Variants in MYH14 observed in about 807,000 individuals in gnomAD.
MYH14 encodes myosin heavy chain 14.
A neutral mutation model predicts 255.5 loss-of-function variants in MYH14; 123 were observed. That is an observed-to-expected ratio of 0.48 (90% confidence interval 0.42 to 0.56). The LOEUF (loss-of-function observed/expected upper bound fraction) is 0.56, where lower values mean the gene tolerates loss of function less well. MYH14 is among the 20% of genes least tolerant of loss of function. The probability of loss-of-function intolerance (pLI) is 0.00; values close to 1 mark genes in which losing one functional copy is unlikely to be tolerated. For missense variants in MYH14, 2,423 were observed against 2,802.3 expected (o/e 0.86, Z 3.06); for synonymous variants, 1,095 against 1,161.2 (o/e 0.94, Z 1.16).
At chr19:50,306,839 G>A (rs1164317344) in intron 40 of MYH14, among the ~76,000 whole-genome samples, 2 of 152,214 alleles carry the variant, frequency 1.3e-5, no homozygotes, top group African/African-American at 4.8e-5. Flanking sequence ...TATGTGAGGT[G>A]TCCTAGTAGA....
At chr19:50,224,927 A>G in intron 6 of MYH14, 3 of 439,296 alleles carry the variant, frequency 6.8e-6, no homozygotes, top group South Asian at 4.7e-5. Flanking sequence ...CAAAAGAGTG[A>G]GACCCCATCT....
At chr19:50,219,116 ATATG>A (rs2032667741) in intron 3 of MYH14, among the ~76,000 whole-genome samples, 2 of 141,830 alleles carry the variant, frequency 1.4e-5, no homozygotes, top group African/African-American at 2.5e-5. Context: ...CATGGGATAT[ATATG>A]TGTGTGTGTG....
intron 10 of MYH14, among the ~76,000 whole-genome samples, chr19:50,243,296 T>G (rs6509457): frequency 0.55 from 83,941 of 151,810 alleles, 24,053 homozygotes; most frequent in Middle Eastern, 0.65. Flanking sequence ...ATTAGCCGGG[T>G]GTGGTGGTGT....
Position 50,247,059 on chromosome 19 carries a change from C to T in MYH14, c.1266C>T (p.Ala422=). ...TGGGGGTGACGGATTTCTCCCGAGCCTTGCTCACCCCTCGCATCAAAGTTG... is the reference window on the plus strand; with the variant it reads ...TGGGGGTGACGGATTTCTCCCGAGCTTTGCTCACCCCTCGCATCAAAGTTG... The part of the protein sequence containing the change: ...LGLGVTDFSR[A]LLTPRIKVGR... The change falls in exon 12 of 43, where the codon GCC becomes GCT. Residue 422 remains alanine (A), a synonymous_variant. Transcript: ENST00000642316. 6.2e-7 allele frequency: 1 copy of T among 1,613,560 alleles called. No individual in the cohort carries two copies. The highest frequency in any genetic ancestry group is 1.1e-5 in the South Asian group (1 of 90,934).
intron 26 of MYH14, among the ~76,000 whole-genome samples, chr19:50,272,352 G>A (rs937432164): frequency 2.0e-5 from 3 of 152,108 alleles, no homozygotes; most frequent in African/African-American, 2.4e-5. Context: ...ATGGGCTGTT[G>A]GTGGGGATGA....
chr19:50,233,570 C>T (rs1489308153), intron 10 of MYH14, among the ~76,000 whole-genome samples: 1 of 152,134 alleles, frequency 6.6e-6, no homozygotes, highest in Non-Finnish European at 1.5e-5. Context: ...AAACCTAGTG[C>T]CTAAAACAAC....
In MYH14 at chr19:50,250,693, G is replaced by A; in HGVS notation, c.1830+5G>A. The A allele has an allele frequency of 6.2e-7, 1 of 1,608,166 alleles. No individual in the cohort carries two copies. Among genetic ancestry groups the A allele is most frequent in the South Asian group, 1.1e-5 (1 of 90,894 alleles). ...GTTCTCCACTACGCGGGCAAGGTAGGGGCTGGGGCCGGCCTTGGGGCATGT... is the reference window on the plus strand; with the variant it reads ...GTTCTCCACTACGCGGGCAAGGTAGAGGCTGGGGCCGGCCTTGGGGCATGT... On this transcript the variant is annotated splice_donor_5th_base_variant and intron_variant, in intron 15 of 42. Coordinates refer to ENST00000642316, the MANE Select transcript of MYH14 (RefSeq NM_001145809.2). The surrounding 1 kb of genome is among the most constrained non-coding windows in gnomAD (Gnocchi z 5.4).
At chr19:50,304,517 G>C (rs2036593152) in intron 40 of MYH14, among the ~76,000 whole-genome samples, 2 of 151,308 alleles carry the variant, frequency 1.3e-5, no homozygotes, top group Non-Finnish European at 1.5e-5. Context: ...TTGAACCTGG[G>C]AAGTGGAGGT....
chr19:50,271,706 G>A (rs1394574452), intron 25 of MYH14, 143 bp from the exon 26 acceptor site: 2 of 1,449,048 alleles, frequency 1.4e-6, no homozygotes, highest in African/African-American at 2.8e-5. Flanking sequence ...GGAAGGAGAG[G>A]GAGGTGTAGG....
At chr19:50,269,500 C>T (rs965753743) in intron 24 of MYH14, among the ~76,000 whole-genome samples, 2 of 152,148 alleles carry the variant, frequency 1.3e-5, no homozygotes, top group Non-Finnish European at 2.9e-5. Flanking sequence ...TTTTAATCAA[C>T]TTCTCTTGAT....
At position 50,276,316 on chromosome 19, in the gene MYH14, A is replaced by C; in HGVS notation, c.3680+113A>C. 1.1e-6 allele frequency: 1 copy of C among 896,770 alleles called. No homozygotes were observed. The highest frequency in any genetic ancestry group is 1.6e-6 in the Non-Finnish European group (1 of 610,412). The allele number at this position is 896,770 out of a possible 1,614,324, so 55.6% of individuals were successfully genotyped here. A position where few individuals can be genotyped will look rare whatever the true frequency, so the allele number is the denominator to read the frequency against. ...AGGCTTACTTATTGTACAGTTGTTC[A>C]TGAACCACCGGCTCTAGGTCCGGCC... On this transcript the variant is annotated intron_variant, in intron 28 of 42. Coordinates refer to ENST00000642316, the MANE Select transcript of MYH14 (RefSeq NM_001145809.2). This position sits in a 1 kb window ranked among gnomAD's most constrained non-coding sequence, Gnocchi z 4.3.
chr19:50,256,261 A>G (rs1333727525), intron 17 of MYH14, among the ~76,000 whole-genome samples: 1 of 152,158 alleles, frequency 6.6e-6, no homozygotes, highest in Admixed American at 6.5e-5. Flanking sequence ...CCTGGGTGAC[A>G]GTGAGACTGT....
Position 50,249,775 on chromosome 19 carries a change from C to T in MYH14, c.1608C>T (p.Leu536=), listed in dbSNP as rs769161197. 25 of 1,614,122 alleles carry T rather than the reference C, an allele frequency of 1.5e-5. No homozygotes were observed. Among genetic ancestry groups the T allele is most frequent in the South Asian group, 2.2e-5 (2 of 91,086 alleles). ...YQREGIPWTF[L]DFGLDLQPCI... Reference sequence around the variant, plus strand: ...GTGAGGGCATCCCCTGGACCTTCCTCGACTTTGGCCTCGACCTGCAGCCCT... The same window carrying T: ...GTGAGGGCATCCCCTGGACCTTCCTTGACTTTGGCCTCGACCTGCAGCCCT... Residue 536 remains leucine, a synonymous_variant, in exon 14 of 43, where the codon CTC becomes CTT. Transcript: ENST00000642316.
chr19:50,295,586 C>G (rs1349356706), intron 39 of MYH14, among the ~76,000 whole-genome samples: 1 of 152,030 alleles, frequency 6.6e-6, no homozygotes, highest in East Asian at 1.9e-4. Context: ...AGCGTAGGAG[C>G]TCCAGACCAG....
intron 39 of MYH14, among the ~76,000 whole-genome samples, chr19:50,300,520 G>A (rs1391253809): frequency 6.6e-6 from 1 of 152,120 alleles, no homozygotes; most frequent in Non-Finnish European, 1.5e-5. Flanking sequence ...AGGCTGAGGT[G>A]GGTGGATCAC....
intron 26 of MYH14, 49 bp downstream of exon 26, chr19:50,272,021 AC>A: frequency 6.3e-7 from 1 of 1,584,930 alleles, no homozygotes; most frequent in Middle Eastern, 1.8e-4. Flanking sequence ...CTAATGGGGG[AC>A]CTCAGGCAAG....
rs680446 is a variant in MYH14 at position 50,286,683 on chromosome 19, G to A, written c.4741G>A (p.Val1581Ile). Reference sequence around the variant, plus strand: ...GGCACTGCTGAGCAGCAAGGATGACGTCGGCAAGAGCGTGAGCAGGGCCCC... The same window carrying A: ...GGCACTGCTGAGCAGCAAGGATGACATCGGCAAGAGCGTGAGCAGGGCCCC... ...LEALLSSKDDVGKSVHELERA... is the reference protein window; with the variant it reads ...LEALLSSKDDIGKSVHELERA... The change falls in exon 34 of 43, where the codon GTC becomes ATC. Residue 1581 changes from valine to isoleucine, a missense_variant. This residue lies in a region of MYH14 where 1,513 missense variants were observed against 1,674.8 expected (regional missense o/e 0.90). Coordinates refer to ENST00000642316, the MANE Select transcript of MYH14 (RefSeq NM_001145809.2). 2.1e-3 allele frequency: 3,311 copies of A among 1,573,118 alleles called. 54 individuals carry two copies. In the African/African-American group the frequency reaches 0.036, roughly 17 times the overall value.
intron 6 of MYH14, 52 bp downstream of exon 6, chr19:50,224,229 C>T: frequency 1.2e-6 from 2 of 1,612,800 alleles, no homozygotes; most frequent in Non-Finnish European, 1.7e-6. Context: ...GCCTTCCCGG[C>T]CACCCAATGC....
intron 23 of MYH14, among the ~76,000 whole-genome samples, chr19:50,267,273 C>A (rs2035123444): frequency 6.6e-6 from 1 of 151,542 alleles, no homozygotes; most frequent in Non-Finnish European, 1.5e-5. Context: ...GTGGGAGAGT[C>A]CTGCAGAGCC....
Sources: gnomAD v4.1 joint callset for allele counts (sites outside exome capture counted in the v4.1 genomes callset) on GRCh38, gnomAD v4.1.1 for gene constraint, gnomAD v4.1.1 regional missense constraint, Gnocchi (gnomAD v3.1) non-coding constraint, MANE v1.5 for transcripts, NCBI Gene and HGNC (gene_info 2026-07-23, HGNC 2026-07-21) for gene names.